Variants in LGSN observed in about 807,000 individuals in gnomAD.
LGSN encodes the protein lengsin, lens protein with glutamine synthetase domain, also known as lengsin.
In LGSN, 21 loss-of-function variants were observed where a neutral mutation model predicts 19.5. That is an observed-to-expected ratio of 1.07 (90% CI 0.76 to 1.55). The LOEUF is 1.55. LGSN is among the 40% of genes most tolerant of loss of function. LGSN has a pLI of 0.00. For missense variants in LGSN, 673 were observed against 608.5 expected (o/e 1.11, Z -1.12); for synonymous variants, 257 against 215.6 (o/e 1.19, Z -1.68).
chr6:63,347,092 C>A, the LGSN span, among the ~76,000 whole-genome samples: 1 of 152,154 alleles, frequency 6.6e-6, no homozygotes, highest in Non-Finnish European at 1.5e-5. Flanking sequence ...ATTGGAAGCT[C>A]TGTGCCACCA....
At chr6:63,301,335 G>A (rs1768175817) in intron 1 of LGSN, among the ~76,000 whole-genome samples, 1 of 151,982 alleles carries the variant, frequency 6.6e-6, no homozygotes, top group African/African-American at 2.4e-5. Flanking sequence ...TATGTAAAGT[G>A]TACAAGAAAA....
the LGSN span, among the ~76,000 whole-genome samples, chr6:63,390,585 G>A: frequency 5.3e-5 from 8 of 151,708 alleles, no homozygotes; most frequent in South Asian, 4.2e-4. Flanking sequence ...GGCCAGGCGC[G>A]GTGGCTCACG....
chr6:63,358,585 T>C, the LGSN span, among the ~76,000 whole-genome samples: 1 of 152,170 alleles, frequency 6.6e-6, no homozygotes, highest in Non-Finnish European at 1.5e-5. Context: ...TTTTATTCTC[T>C]TTGAAGCAAT....
chr6:63,400,664 TC>T, the LGSN span, among the ~76,000 whole-genome samples: 1 of 152,322 alleles, frequency 6.6e-6, no homozygotes, highest in African/African-American at 2.4e-5. Context: ...ATCATTGTTC[TC>T]CAATCATCCA....
At chr6:63,328,551 C>G in the LGSN span, among the ~76,000 whole-genome samples, 2 of 152,204 alleles carry the variant, frequency 1.3e-5, no homozygotes, top group East Asian at 3.8e-4. Context: ...ACTAAGATGG[C>G]CACTGCTGCA....
intron 1 of LGSN, among the ~76,000 whole-genome samples, chr6:63,297,457 A>T (rs1768020817): frequency 6.6e-6 from 1 of 151,946 alleles, no homozygotes; most frequent in Non-Finnish European, 1.5e-5. Context: ...TGAAGAATAC[A>T]TTTCATTCAG....
At chr6:63,507,508 G>C in the LGSN span, among the ~76,000 whole-genome samples, 1 of 152,126 alleles carries the variant, frequency 6.6e-6, no homozygotes, top group African/African-American at 2.4e-5. Flanking sequence ...ATAACATCCT[G>C]ATGAGTAGAT....
At chr6:63,565,032 G>A in the LGSN span, among the ~76,000 whole-genome samples, 1 of 152,130 alleles carries the variant, frequency 6.6e-6, no homozygotes, top group Non-Finnish European at 1.5e-5. Flanking sequence ...CCTTGAGAGA[G>A]AGGGTCTTTG....
chr6:63,556,896 A>G, the LGSN span, among the ~76,000 whole-genome samples: 94 of 152,338 alleles, frequency 6.2e-4, 1 homozygote, highest in Non-Finnish European at 1.1e-3. Flanking sequence ...TATTATCATC[A>G]TCACTTCTTG....
At chr6:63,504,244 CTTT>C in the LGSN span, among the ~76,000 whole-genome samples, 77,165 of 143,988 alleles carry the variant, frequency 0.54, 21,750 homozygotes, top group African/African-American at 0.76. Context: ...TCAAGCGATT[CTTT>C]TTTTTTTTTT....
the LGSN span, among the ~76,000 whole-genome samples, chr6:63,510,103 A>G: frequency 6.6e-6 from 1 of 152,256 alleles, no homozygotes; most frequent in Non-Finnish European, 1.5e-5. Flanking sequence ...GAAAGAAACA[A>G]CAACAAACCC....
At chr6:63,406,562 A>G in the LGSN span, among the ~76,000 whole-genome samples, 1 of 149,882 alleles carries the variant, frequency 6.7e-6, no homozygotes. Context: ...CTAAATGCCC[A>G]CAAGAGAAAG....
At chr6:63,346,494 C>T in the LGSN span, among the ~76,000 whole-genome samples, 10 of 151,994 alleles carry the variant, frequency 6.6e-5, no homozygotes, top group African/African-American at 2.4e-4. Context: ...TTGCCTAATG[C>T]ATCTGGCTGT....
At chr6:63,454,695 C>T in the LGSN span, among the ~76,000 whole-genome samples, 17 of 151,614 alleles carry the variant, frequency 1.1e-4, no homozygotes, top group East Asian at 2.5e-3. Flanking sequence ...TGTTCTTGAA[C>T]TCTTGACCTC....
At chr6:63,330,752 G>C in the LGSN span, among the ~76,000 whole-genome samples, 4 of 152,160 alleles carry the variant, frequency 2.6e-5, no homozygotes, top group Non-Finnish European at 5.9e-5. Context: ...GACCAGTAGG[G>C]AATTTGTCCC....
chr6:63,424,478 A>G, the LGSN span, among the ~76,000 whole-genome samples: 1 of 149,142 alleles, frequency 6.7e-6, no homozygotes, highest in Non-Finnish European at 1.5e-5. Flanking sequence ...TTTATTTTAT[A>G]ATGCTAGTAT....
chr6:63,284,608 G>A (rs986763860), intron 3 of LGSN, among the ~76,000 whole-genome samples: 10 of 152,126 alleles, frequency 6.6e-5, no homozygotes, highest in African/African-American at 9.7e-5. Context: ...AGTAGTTAAA[G>A]TGCCAGTTAC....
chr6:63,327,354 C>A, the LGSN span, among the ~76,000 whole-genome samples: 1 of 152,138 alleles, frequency 6.6e-6, no homozygotes, highest in Non-Finnish European at 1.5e-5. Flanking sequence ...AGGGGAGAAG[C>A]CATGTTGCCC....
At chr6:63,510,981 C>T in the LGSN span, among the ~76,000 whole-genome samples, 7 of 151,318 alleles carry the variant, frequency 4.6e-5, no homozygotes, top group East Asian at 2.0e-4. Flanking sequence ...GGTCAAGATG[C>T]GAATTATTTA....
Sources: allele counts gnomAD v4.1 joint callset (sites outside exome capture counted in the v4.1 genomes callset), GRCh38; gene constraint gnomAD v4.1.1; transcripts MANE v1.5; gene names NCBI Gene and HGNC (gene_info 2026-07-23, HGNC 2026-07-21).